DLGAP1: variants seen among roughly 807,000 people sequenced by gnomAD.
DLGAP1 encodes DLG associated protein 1.
Under a neutral mutation model 90.8 loss-of-function variants are expected in DLGAP1, and 11 were observed. The ratio of observed to expected loss-of-function variants is 0.12; its 90% CI spans 0.08 to 0.20. The LOEUF is 0.20. DLGAP1 is among the 10% of genes least tolerant of loss of function. The probability of loss-of-function intolerance (pLI) is 1.00; values close to 1 mark genes in which losing one functional copy is unlikely to be tolerated. For synonymous variants in DLGAP1, 558 were observed against 540.7 expected, an observed-to-expected ratio of 1.03 and a Z score of -0.44; for missense variants, 1,050 against 1,333.8, an observed-to-expected ratio of 0.79 and a Z score of 3.31.
At chr18:3,701,626 C>T (rs2061282585) in intron 7 of DLGAP1, among the ~76,000 whole-genome samples, 1 of 152,100 alleles carries the variant, frequency 6.6e-6, no homozygotes, top group African/African-American at 2.4e-5. Flanking sequence ...GCCAAGGAGT[C>T]CATTTGGGTC....
intron 5 of DLGAP1, among the ~76,000 whole-genome samples, chr18:3,759,231 T>C (rs2063847692): frequency 6.6e-6 from 1 of 150,486 alleles, no homozygotes; most frequent in South Asian, 2.1e-4. Context: ...TGCAACTTAT[T>C]ATTTGCTCCA....
chr18:3,853,732 T>A (rs967390755), intron 4 of DLGAP1, among the ~76,000 whole-genome samples: 3 of 152,096 alleles, frequency 2.0e-5, no homozygotes, highest in Middle Eastern at 6.3e-3. Flanking sequence ...AATGAGCATT[T>A]CCTTTGAGTG....
In DLGAP1 at chr18:3,653,414, T is replaced by C. The variant is rs1416662445; in HGVS notation, c.1592-71166A>G. On this transcript the variant is annotated intron_variant, in intron 7 of 12. Coordinates refer to ENST00000315677, the MANE Select transcript of DLGAP1 (RefSeq NM_004746.4). The surrounding 1 kb of genome is among the most constrained non-coding windows in gnomAD (Gnocchi z 4.6). The stretch of plus-strand genomic sequence containing the variant: ...GAACTTTTTCCCTATTCACTTATTT[T>C]TCCTCATTGCAAAATAATCAAAGCA... 1 of 152,240 alleles carries C rather than the reference T, an allele frequency of 6.6e-6. No homozygotes were observed. Among genetic ancestry groups the C allele is most frequent in the African/African-American group, 2.4e-5 (1 of 41,472 alleles). 9.4% of individuals were successfully genotyped at this position (152,240 alleles called of 1,614,324 possible).
chr18:3,585,531 C>T (rs1270116897), intron 7 of DLGAP1, among the ~76,000 whole-genome samples: 2 of 152,248 alleles, frequency 1.3e-5, no homozygotes, highest in Non-Finnish European at 2.9e-5. Context: ...GGACATTCCG[C>T]CCACTGATAT....
intron 6 of DLGAP1, among the ~76,000 whole-genome samples, chr18:3,730,084 C>T (rs992571209): frequency 6.6e-6 from 1 of 152,120 alleles, no homozygotes; most frequent in Non-Finnish European, 1.5e-5. Flanking sequence ...AAGTTTCAGT[C>T]TTCTTTATAA....
At chr18:3,576,876 T>C (rs1189704495) in intron 8 of DLGAP1, among the ~76,000 whole-genome samples, 4 of 148,410 alleles carry the variant, frequency 2.7e-5, no homozygotes, top group African/African-American at 7.5e-5. Flanking sequence ...TTTTTTTTTT[T>C]CTTGAGACGG....
At chr18:3,672,262 G>T (rs2060115974) in intron 7 of DLGAP1, among the ~76,000 whole-genome samples, 1 of 149,168 alleles carries the variant, frequency 6.7e-6, no homozygotes, top group Non-Finnish European at 1.5e-5. Flanking sequence ...TTGCTCTTTG[G>T]CTTCTACTTA....
intron 5 of DLGAP1, among the ~76,000 whole-genome samples, chr18:3,755,220 A>C (rs1024969178): frequency 7.9e-5 from 12 of 152,126 alleles, no homozygotes; most frequent in African/African-American, 2.9e-4. Flanking sequence ...TAATGGAGGA[A>C]CAGAGGCAAC....
chr18:4,317,414 A>G (rs995137605), intron 1 of DLGAP1, among the ~76,000 whole-genome samples: 1 of 152,218 alleles, frequency 6.6e-6, no homozygotes, highest in Non-Finnish European at 1.5e-5. Flanking sequence ...ATCCATGATA[A>G]TTTTAAGGTA....
At chr18:4,347,942 G>A (rs189275399) in intron 1 of DLGAP1, among the ~76,000 whole-genome samples, 68 of 151,874 alleles carry the variant, frequency 4.5e-4, no homozygotes, top group Non-Finnish European at 5.6e-4. Flanking sequence ...TTCCCAAATC[G>A]TAAAATAATT....
chr18:4,201,079 C>A (rs2077597396), intron 1 of DLGAP1, among the ~76,000 whole-genome samples: 1 of 152,054 alleles, frequency 6.6e-6, no homozygotes, highest in South Asian at 2.1e-4. Context: ...TTTGCAAATA[C>A]CTTCTTCCAT....
rs78628943 is a variant in DLGAP1, at chr18:4,018,786, C to T, written c.-158-13585G>A. Among the ~76,000 whole-genome samples the T allele has an allele frequency of 6.8e-4, 104 of 152,240 alleles. 2 individuals carry two copies. In the East Asian group the frequency reaches 0.016, roughly 23 times the overall value. On this transcript the variant is annotated intron_variant, in intron 2 of 12. Coordinates refer to ENST00000315677, the MANE Select transcript of DLGAP1 (RefSeq NM_004746.4). ...AGCCTAGATATCTGTATTATGACTT[C>T]GTCATTAGATTTAATTATTCGAATT... is the stretch of plus-strand genomic sequence containing the variant.
At chr18:4,334,648 A>G (rs1320270419) in intron 1 of DLGAP1, among the ~76,000 whole-genome samples, 1 of 151,912 alleles carries the variant, frequency 6.6e-6, no homozygotes. Flanking sequence ...CTGTACAGGA[A>G]CACAAAATGC....
chr18:4,335,544 C>G (rs557614028), intron 1 of DLGAP1, among the ~76,000 whole-genome samples: 2 of 149,832 alleles, frequency 1.3e-5, no homozygotes, highest in African/African-American at 5.1e-5. Context: ...ATTACTTTAA[C>G]TGCAATGGGA....
chr18:3,813,034 C>T (rs904717800), intron 5 of DLGAP1, among the ~76,000 whole-genome samples: 6 of 152,160 alleles, frequency 3.9e-5, no homozygotes, highest in Non-Finnish European at 7.4e-5. Context: ...AATTTACTCT[C>T]TATAAACAGC....
intron 7 of DLGAP1, among the ~76,000 whole-genome samples, chr18:3,661,485 C>A (rs8096356): frequency 2.0e-5 from 3 of 151,846 alleles, no homozygotes; most frequent in Admixed American, 2.0e-4. Flanking sequence ...CTGAGACGGT[C>A]CTGATGGAAA....
chr18:3,850,176 G>A (rs1397544067), intron 4 of DLGAP1, among the ~76,000 whole-genome samples: 1 of 152,026 alleles, frequency 6.6e-6, no homozygotes, highest in African/African-American at 2.4e-5. Context: ...AGAGCAGCCT[G>A]GCCAACGTGG....
rs987786867 is a variant in DLGAP1 at position 3,499,921 on chromosome 18, A to G, written c.2725-527T>C. ...AATAAACAGAGGAGGAAGAAGAGATATCAGATTGTGTTCTTTAGCTTTGTT... is the reference window on the plus strand; with the variant it reads ...AATAAACAGAGGAGGAAGAAGAGATGTCAGATTGTGTTCTTTAGCTTTGTT... On this transcript the variant is annotated intron_variant, in intron 12 of 12. Coordinates refer to ENST00000315677, the MANE Select transcript of DLGAP1 (RefSeq NM_004746.4). This position sits in a 1 kb window ranked among gnomAD's most constrained non-coding sequence, Gnocchi z 6.4. Among the ~76,000 whole-genome samples the G allele has an allele frequency of 2.6e-5, 4 of 152,216 alleles. No individual in the cohort carries two copies. The highest frequency in any genetic ancestry group is 5.9e-5 in the Non-Finnish European group (4 of 68,046).
At chr18:3,788,611 C>A (rs933906079) in intron 5 of DLGAP1, among the ~76,000 whole-genome samples, 1 of 152,152 alleles carries the variant, frequency 6.6e-6, no homozygotes, top group Non-Finnish European at 1.5e-5. Context: ...AGTAGCTTTT[C>A]AAGGTCATTA....
Sources: allele counts gnomAD v4.1 joint callset (sites outside exome capture counted in the v4.1 genomes callset), GRCh38; gene constraint gnomAD v4.1.1; non-coding constraint Gnocchi (gnomAD v3.1); transcripts MANE v1.5; gene names NCBI Gene and HGNC (gene_info 2026-07-23, HGNC 2026-07-21).